The following CHEK2 variants were observed in gnomAD, a reference collection of about 807,000 sequenced individuals.
The protein encoded by CHEK2 is checkpoint kinase 2, also known as serine/threonine-protein kinase Chk2.
In CHEK2, 71 loss-of-function variants were observed where a neutral mutation model predicts 69.1. The ratio of observed to expected loss-of-function variants is 1.03; its 90% CI spans 0.85 to 1.25. The LOEUF (loss-of-function observed/expected upper bound fraction) is 1.25. Ranked by LOEUF, CHEK2 falls within the 50% of genes most tolerant of loss-of-function variation. The pLI is 0.00. For missense variants in CHEK2, 664 were observed against 649.6 expected, an observed-to-expected ratio of 1.02 and a Z score of -0.24; for synonymous variants, 189 against 226.9, an observed-to-expected ratio of 0.83 and a Z score of 1.50.
chr22:28,732,275 C>T (rs538598695), intron 2 of CHEK2, among the ~76,000 whole-genome samples: 14 of 152,244 alleles, frequency 9.2e-5, no homozygotes, highest in African/African-American at 3.4e-4. Context: ...CCATGCCCAG[C>T]TAATTTTGTA....
At chr22:28,717,861 AC>A (rs1436381553) in intron 5 of CHEK2, among the ~76,000 whole-genome samples, 1 of 152,150 alleles carries the variant, frequency 6.6e-6, no homozygotes, top group African/African-American at 2.4e-5. Context: ...TGCCTGGGCA[AC>A]AAGAGACCAC....
chr22:28,703,888 G>T (rs189433561), intron 7 of CHEK2, among the ~76,000 whole-genome samples: 43 of 152,190 alleles, frequency 2.8e-4, no homozygotes, highest in African/African-American at 1.0e-3. Flanking sequence ...AGGTACTCAA[G>T]GACAGCCTAA....
intron 13 of CHEK2, among the ~76,000 whole-genome samples, chr22:28,693,309 C>T (rs779186415): frequency 6.6e-6 from 1 of 152,112 alleles, no homozygotes; most frequent in South Asian, 2.1e-4. Context: ...AGGAGCACAG[C>T]GGTAATACAG....
chr22:28,716,003 C>A (rs182137697), intron 5 of CHEK2, among the ~76,000 whole-genome samples: 5 of 151,872 alleles, frequency 3.3e-5, no homozygotes, highest in Non-Finnish European at 7.4e-5. Flanking sequence ...GTAGCTGGGA[C>A]TACAGGTGCA....
chr22:28,724,857 C>T lies in CHEK2; in HGVS notation c.592+120G>A, dbSNP rs752124994. ...CTGGGATTACAGGTGTGAGCCACCA[C>T]GCCCAGCAACTTACTCATCTTTACT... On this transcript the variant is annotated intron_variant, in intron 4 of 14. Transcript: ENST00000404276. 13 of 1,075,216 alleles carry T rather than the reference C, an allele frequency of 1.2e-5. No individual in the cohort carries two copies. In the East Asian group the frequency reaches 1.7e-4, roughly 14 times the overall value. 66.6% of individuals were successfully genotyped at this position (1,075,216 alleles called of 1,614,324 possible).
At chr22:28,735,274 C>T (rs1270678263) in intron 1 of CHEK2, among the ~76,000 whole-genome samples, 6 of 151,788 alleles carry the variant, frequency 4.0e-5, no homozygotes, top group Non-Finnish European at 7.4e-5. Flanking sequence ...GGCGTGGTGG[C>T]GGGCACCTGT....
chr22:28,697,029 G>A (rs1341322777), intron 9 of CHEK2, 42 bp from the exon 10 acceptor site: 1 of 1,248,340 alleles, frequency 8.0e-7, no homozygotes, highest in Non-Finnish European at 1.2e-6. Flanking sequence ...TCATGCAGTA[G>A]ATACTTAAGT....
intron 5 of CHEK2, among the ~76,000 whole-genome samples, chr22:28,714,396 C>T (rs2053516921): frequency 6.6e-6 from 1 of 151,954 alleles, no homozygotes; most frequent in Admixed American, 6.6e-5. Flanking sequence ...GCCCTTTGCC[C>T]ATTTGTTTTG....
intron 8 of CHEK2, among the ~76,000 whole-genome samples, chr22:28,701,545 T>C (rs1010678887): frequency 1.8e-4 from 27 of 152,160 alleles, no homozygotes; most frequent in South Asian, 2.1e-4. Flanking sequence ...TCACCCTGCA[T>C]AGATACGATT....
At chr22:28,695,557 T>C (rs2145798752) in intron 11 of CHEK2, among the ~76,000 whole-genome samples, 153 bp downstream of exon 11, 1 of 152,182 alleles carries the variant, frequency 6.6e-6, no homozygotes, top group East Asian at 1.9e-4. Context: ...CTCGGGAGGC[T>C]GAGGTGGGAG....
At position 28,702,439 on chromosome 22, in the gene CHEK2, C is replaced by T. The variant is rs187879344; in HGVS notation, c.908+1066G>A. 8.6e-5 allele frequency among the ~76,000 whole-genome samples: 13 copies of T among 151,226 alleles called. No homozygotes were observed. The East Asian group carries it at 9.7e-4, about 11-fold the overall frequency. On this transcript the variant is annotated intron_variant, in intron 8 of 14. Coordinates refer to ENST00000404276, the MANE Select transcript of CHEK2 (RefSeq NM_007194.4). ...ATTTTTAGTAGAGACAGGGTTTCAC[C>T]GTGTTAGCCAGGATGGCCTCGATCT...
chr22:28,704,727 C>T (rs189928131), intron 7 of CHEK2, among the ~76,000 whole-genome samples: 36 of 152,128 alleles, frequency 2.4e-4, no homozygotes, highest in Non-Finnish European at 1.5e-5. Flanking sequence ...GGGACATACA[C>T]CCCAGCACAT....
chr22:28,709,706 T>A (rs2053312850), intron 7 of CHEK2, among the ~76,000 whole-genome samples: 1 of 152,156 alleles, frequency 6.6e-6, no homozygotes, highest in Non-Finnish European at 1.5e-5. Context: ...AATCTCTGCC[T>A]CCCAGGTTCA....
intron 5 of CHEK2, among the ~76,000 whole-genome samples, chr22:28,718,921 C>CACAG (rs3220026): frequency 3.0e-5 from 4 of 131,720 alleles, no homozygotes; most frequent in African/African-American, 6.0e-5. Context: ...CACACACACA[C>CACAG]AGGAAATAAA....
chr22:28,724,768 G>A (rs1200270381), intron 4 of CHEK2: 1 of 603,026 alleles, frequency 1.7e-6, no homozygotes, highest in African/African-American at 1.9e-5. Context: ...GTTTCTCCAT[G>A]TGGGTCAGGC....
chr22:28,711,997 T>C lies in CHEK2; in HGVS notation c.704A>G (p.Lys235Arg), dbSNP rs587782419. ...ACATGTTTTCCTCTCGAAAGCCAGC[T>C]TTACCTCTCCACAGGCACCACTAGA... ...TLGSGACGEV[K>R]LAFERKTCKK... The change falls in exon 6 of 15, where the codon AAG becomes AGG. Residue 235 changes from lysine to arginine, a missense_variant. Lys to Arg is a conservative substitution (Grantham distance 26, BLOSUM62 2). Coordinates refer to ENST00000404276, the MANE Select transcript of CHEK2 (RefSeq NM_007194.4). 2 of 1,612,630 alleles carry C rather than the reference T, an allele frequency of 1.2e-6. No homozygotes were observed. The highest frequency in any genetic ancestry group is 1.7e-6 in the Non-Finnish European group (2 of 1,179,492).
At position 28,688,740 on chromosome 22, in the gene CHEK2, C is replaced by A. The variant is rs549886111; in HGVS notation, c.1542+395G>T. ...TACCATTCAACAACAACAACAACAA[C>A]AAAAAAGCAGGACTGGAATTAACTT... On this transcript the variant is annotated intron_variant, in intron 14 of 14. Coordinates refer to ENST00000404276, the MANE Select transcript of CHEK2 (RefSeq NM_007194.4). 4.5e-4 allele frequency among the ~76,000 whole-genome samples: 69 copies of A among 151,866 alleles called. 1 individual carries two copies. The highest frequency in any genetic ancestry group is 1.5e-3 in the African/African-American group (62 of 41,438).
At chr22:28,695,483 C>T (rs745384799) in intron 11 of CHEK2, among the ~76,000 whole-genome samples, 4 of 151,950 alleles carry the variant, frequency 2.6e-5, no homozygotes, top group Non-Finnish European at 5.9e-5. Context: ...ATGGCAAAAC[C>T]CCATCACTAC....
intron 4 of CHEK2, among the ~76,000 whole-genome samples, chr22:28,720,869 G>A (rs1258371618): frequency 6.6e-6 from 1 of 152,172 alleles, no homozygotes; most frequent in African/African-American, 2.4e-5. Flanking sequence ...GGGCTCAAAC[G>A]CCATTGTCCA....
Sources: allele counts gnomAD v4.1 joint callset (sites outside exome capture counted in the v4.1 genomes callset), GRCh38; gene constraint gnomAD v4.1.1; transcripts MANE v1.5; gene names NCBI Gene and HGNC (gene_info 2026-07-23, HGNC 2026-07-21).